The following GRAMD1B variants were observed in gnomAD, a reference collection of about 807,000 sequenced individuals.
GRAMD1B encodes GRAM domain containing 1B.
GRAMD1B carries 37 observed loss-of-function variants against 99.7 expected under a neutral mutation model. The ratio of observed to expected loss-of-function variants is 0.37; its 90% confidence interval spans 0.29 to 0.49. The LOEUF is 0.49. GRAMD1B is among the 20% of genes least tolerant of loss of function. The pLI is 0.98. For synonymous variants in GRAMD1B, 427 were observed against 387.6 expected, an observed-to-expected ratio of 1.10 and a Z score of -1.19; for missense variants, 888 against 1,009.2, an observed-to-expected ratio of 0.88 and a Z score of 1.63.
At chr11:123,387,214 A>G (rs1321682144) in intron 1 of GRAMD1B, among the ~76,000 whole-genome samples, 1 of 152,140 alleles carries the variant, frequency 6.6e-6, no homozygotes, top group African/African-American at 2.4e-5. Flanking sequence ...TTTAAGAAGT[A>G]TCGTCTGGCT....
chr11:123,619,126 G>A lies in GRAMD1B; in HGVS notation c.2446G>A (p.Glu816Lys). The A allele has an allele frequency of 2.6e-6, 4 of 1,561,412 alleles. No homozygotes were observed. Among genetic ancestry groups the A allele is most frequent in the Non-Finnish European group, 3.5e-6 (4 of 1,151,868 alleles). ...CCACAGGTTACCCCAGTCTCAGACA[G>A]AATGGGCCCAGCTCTTAGAGTCCCA... ...LQERLPQSQT[E>K]WAQLLESQQK... The change falls in exon 19 of 20, where the codon GAA (glutamate) becomes AAA (lysine). Residue 816 changes from glutamate (E) to lysine (K), a missense_variant. Glu to Lys is a moderately conservative substitution (Grantham distance 56). Around this residue, in one of 5 missense-constraint regions of GRAMD1B, gnomAD observed 232 missense variants for 261.7 expected, o/e 0.89. Transcript: ENST00000635736.
At chr11:123,428,302 C>T (rs1269363949), upstream of GRAMD1B, among the ~76,000 whole-genome samples, 1 of 152,206 alleles carries the variant, frequency 6.6e-6, no homozygotes, top group African/African-American at 2.4e-5. Context: ...TTTGGAGTTA[C>T]AGTGCAATCT....
chr11:123,596,060 C>G, intron 7 of GRAMD1B, 23 bp downstream of exon 7: 1 of 1,251,548 alleles, frequency 8.0e-7, no homozygotes, highest in Non-Finnish European at 1.2e-6. Flanking sequence ...TAACTCTGGC[C>G]TTTCTAATCC....
intron 1 of GRAMD1B, among the ~76,000 whole-genome samples, chr11:123,394,562 T>TCTC (rs57337940): frequency 0.14 from 20,548 of 152,074 alleles, 3,087 homozygotes; most frequent in African/African-American, 0.38. Flanking sequence ...TCTCTTCTCT[T>TCTC]CTTTTCATTT....
intron 1 of GRAMD1B, among the ~76,000 whole-genome samples, chr11:123,461,321 G>A (rs1190091571): frequency 1.3e-5 from 2 of 152,212 alleles, no homozygotes; most frequent in Non-Finnish European, 2.9e-5. Context: ...TACCAGGACT[G>A]TTTCCTAAGA....
chr11:123,608,259 T>G, intron 11 of GRAMD1B: 1 of 534,396 alleles, frequency 1.9e-6, no homozygotes, highest in Non-Finnish European at 3.3e-6. Context: ...ACAACTACAA[T>G]TTGTTGTCGA....
At chr11:123,577,223 C>G (rs1291635069) in intron 2 of GRAMD1B, 144 bp from the exon 3 acceptor site, 1 of 708,204 alleles carries the variant, frequency 1.4e-6, no homozygotes, top group Non-Finnish European at 2.4e-6. Flanking sequence ...AGCCTGGGCC[C>G]CTCTCTCCCG....
chr11:123,484,264 T>G (rs1272267714), intron 2 of GRAMD1B, among the ~76,000 whole-genome samples: 1 of 152,218 alleles, frequency 6.6e-6, no homozygotes, highest in Non-Finnish European at 1.5e-5. Context: ...TTATCTCTGC[T>G]GCTTGGGGCA....
chr11:123,470,767 A>G (rs1029669775), intron 1 of GRAMD1B, among the ~76,000 whole-genome samples: 1 of 152,204 alleles, frequency 6.6e-6, no homozygotes, highest in Non-Finnish European at 1.5e-5. Context: ...ATTTTGACAG[A>G]TAAAAGGATG....
intron 1 of GRAMD1B, among the ~76,000 whole-genome samples, chr11:123,432,555 C>A (rs74940240): frequency 3.7e-3 from 469 of 126,188 alleles, no homozygotes; most frequent in South Asian, 5.2e-3. Flanking sequence ...GACTCTGTCT[C>A]AAAAAAAAAA....
At chr11:123,499,836 G>A (rs1029329209) in intron 2 of GRAMD1B, among the ~76,000 whole-genome samples, 30 of 152,302 alleles carry the variant, frequency 2.0e-4, no homozygotes, top group Admixed American at 2.0e-3. Context: ...TGAATTTAGA[G>A]TTGGAATTTT....
intron 4 of GRAMD1B, among the ~76,000 whole-genome samples, chr11:123,590,906 C>T (rs1950578623): frequency 1.3e-5 from 2 of 152,148 alleles, no homozygotes; most frequent in South Asian, 2.1e-4. Flanking sequence ...AAGTGACTGG[C>T]GGGGTTAGAC....
chr11:123,443,726 G>C (rs995726934), intron 1 of GRAMD1B, among the ~76,000 whole-genome samples: 3 of 152,106 alleles, frequency 2.0e-5, no homozygotes, highest in African/African-American at 7.2e-5. Flanking sequence ...GGGGCTACAG[G>C]TGTGCGCCAC....
rs1950183351 is a variant in GRAMD1B, at chr11:123,587,454, G to A, written c.684+3122G>A. 6.6e-6 allele frequency among the ~76,000 whole-genome samples: 1 copy of A among 152,352 alleles called. No homozygotes were observed. The highest frequency in any genetic ancestry group is 2.1e-4 in the South Asian group (1 of 4,828). ...TGAGATGGAGGGAAAAGCAGAAATA[G>A]GGTTTTGCCTTCAGCAGGGAGCCAA... On this transcript the variant is annotated intron_variant, in intron 4 of 19. Coordinates refer to ENST00000635736, the MANE Select transcript of GRAMD1B (RefSeq NM_001387025.1). The surrounding 1 kb of genome is among the most constrained non-coding windows in gnomAD (Gnocchi z 4.2).
At chr11:123,512,973 G>A (rs1941193322) in intron 2 of GRAMD1B, among the ~76,000 whole-genome samples, 14 of 152,074 alleles carry the variant, frequency 9.2e-5, no homozygotes, top group Admixed American at 8.5e-4. Context: ...TCCATAAAGA[G>A]CCTATTTGTA....
chr11:123,582,626 C>T (rs1565410342), intron 3 of GRAMD1B, among the ~76,000 whole-genome samples: 1 of 152,172 alleles, frequency 6.6e-6, no homozygotes, highest in Non-Finnish European at 1.5e-5. Flanking sequence ...CCCACCCACG[C>T]GAGGCCCCTC....
chr11:123,438,902 T>C (rs1949282839), intron 1 of GRAMD1B, among the ~76,000 whole-genome samples: 1 of 152,220 alleles, frequency 6.6e-6, no homozygotes, highest in African/African-American at 2.4e-5. Flanking sequence ...GTGGGCAAAC[T>C]GCTGGCCCTG....
intron 1 of GRAMD1B, among the ~76,000 whole-genome samples, chr11:123,410,745 C>T (rs1303121700): frequency 2.6e-5 from 4 of 152,096 alleles, no homozygotes; most frequent in East Asian, 3.9e-4. Context: ...GATCACTTTA[C>T]GTAGGGAGAG....
chr11:123,574,663 C>T (rs759623388), intron 2 of GRAMD1B, among the ~76,000 whole-genome samples: 12 of 152,054 alleles, frequency 7.9e-5, no homozygotes, highest in Non-Finnish European at 1.5e-4. Context: ...GGGAGGAGGT[C>T]TGGGAGGAAA....
Sources: allele counts gnomAD v4.1 joint callset (sites outside exome capture counted in the v4.1 genomes callset), GRCh38; gene constraint gnomAD v4.1.1; regional missense constraint gnomAD v4.1.1; non-coding constraint Gnocchi (gnomAD v3.1); transcripts MANE v1.5; gene names NCBI Gene and HGNC (gene_info 2026-07-23, HGNC 2026-07-21).